Variants in SLC25A37 observed in about 807,000 individuals in gnomAD.
SLC25A37 encodes the protein mitoferrin-1.
In SLC25A37, 17 loss-of-function variants were observed where a neutral mutation model predicts 31.0. That is an observed-to-expected ratio of 0.55 (90% CI 0.38 to 0.82). The LOEUF (loss-of-function observed/expected upper bound fraction) is 0.82, where lower values mean the gene tolerates loss of function less well. Ranked by LOEUF, SLC25A37 falls within the 40% of genes least tolerant of loss-of-function variation. The pLI, the probability that SLC25A37 is intolerant of heterozygous loss-of-function variation, is 0.00. For missense variants in SLC25A37, 404 were observed against 465.8 expected, an observed-to-expected ratio of 0.87 and a Z score of 1.22; for synonymous variants, 222 against 193.0, an observed-to-expected ratio of 1.15 and a Z score of -1.24.
At chr8:23,568,169 A>T in intron 2 of SLC25A37, 153 bp from the exon 3 acceptor site, 7 of 774,870 alleles carry the variant, frequency 9.0e-6, no homozygotes, top group Non-Finnish European at 1.7e-5. Context: ...CCATCACTTC[A>T]GGGTTTTAAG....
At chr8:23,530,224 AC>A (rs1167392333) in intron 1 of SLC25A37, among the ~76,000 whole-genome samples, 3 of 152,172 alleles carry the variant, frequency 2.0e-5, no homozygotes, top group Non-Finnish European at 4.4e-5. Context: ...AGAGAGGCGA[AC>A]CGATTACCTT....
intron 3 of SLC25A37, among the ~76,000 whole-genome samples, chr8:23,570,363 A>G (rs1039098585): frequency 2.1e-5 from 3 of 140,786 alleles, no homozygotes; most frequent in Admixed American, 1.5e-4. Context: ...TGCGTTCAAG[A>G]CAGTGTTTTG....
At chr8:23,548,241 C>T (rs146417048) in intron 1 of SLC25A37, among the ~76,000 whole-genome samples, 57 of 152,250 alleles carry the variant, frequency 3.7e-4, no homozygotes, top group African/African-American at 1.3e-3. Flanking sequence ...TGCAGTGGCG[C>T]GATCTCGGTT....
rs951092582 is a variant in SLC25A37 at position 23,537,220 on chromosome 8, T to C, written c.210+8008T>C. On this transcript the variant is annotated intron_variant, in intron 1 of 3. Coordinates refer to ENST00000519973, the MANE Select transcript of SLC25A37 (RefSeq NM_016612.4). ...CAAAAAAAAAAAAAAAAAAATGAGA[T>C]TACTCTCCCCTGCCTCACATTTCCC... Among the ~76,000 whole-genome samples the C allele has an allele frequency of 8.2e-5, 12 of 147,052 alleles. No individual in the cohort carries two copies. In the East Asian group the frequency reaches 2.4e-3, roughly 30 times the overall value.
At position 23,573,357 on chromosome 8, in the gene SLC25A37, TGCTCTGC is replaced by T. The variant is rs1802911149; in HGVS notation, c.*1503_*1509del. ...CGTTTTCCCTAGCTGTGCCATTTGG[TGCTCTGC>T]CAGGCTGCCGTGCAAGGGAATACCG... On this transcript the variant is annotated 3_prime_UTR_variant, in exon 4 of 4. Coordinates refer to ENST00000519973, the MANE Select transcript of SLC25A37 (RefSeq NM_016612.4). The T allele has an allele frequency of 6.4e-6, 1 of 155,114 alleles. No homozygotes were observed. The highest frequency in any genetic ancestry group is 1.4e-5 in the Non-Finnish European group (1 of 69,702). 9.6% of individuals were successfully genotyped at this position (155,114 alleles called of 1,614,324 possible).
Position 23,571,979 on chromosome 8 carries a change from A to T in SLC25A37, c.*124A>T. 9.2e-7 allele frequency: 1 copy of T among 1,088,090 alleles called. No individual in the cohort carries two copies. Among genetic ancestry groups the T allele is most frequent in the Non-Finnish European group, 1.3e-6 (1 of 761,398 alleles). The allele number at this position is 1,088,090 out of a possible 1,614,324, so 67.4% of individuals were successfully genotyped here. On this transcript the variant is annotated 3_prime_UTR_variant, in exon 4 of 4. Transcript: ENST00000519973. The stretch of plus-strand genomic sequence containing the variant: ...CTGCCTATGGGCCCTCTGCTCCCCA[A>T]TGCCTTAGAGAGAGGAGGGGACGGC...
At chr8:23,541,901 G>T (rs1382646374) in intron 1 of SLC25A37, 1 of 152,246 alleles carries the variant, frequency 6.6e-6, no homozygotes, top group South Asian at 2.1e-4. Context: ...AACCCAGGGT[G>T]TGTCTTTAAC....
At chr8:23,559,354 C>A (rs1050735611) in intron 1 of SLC25A37, among the ~76,000 whole-genome samples, 1 of 150,924 alleles carries the variant, frequency 6.6e-6, no homozygotes, top group African/African-American at 2.4e-5. Context: ...TGTGTGTGTG[C>A]GTGTGTGTGC....
At chr8:23,565,427 G>T (rs547772730) in intron 1 of SLC25A37, among the ~76,000 whole-genome samples, 1 of 152,084 alleles carries the variant, frequency 6.6e-6, no homozygotes, top group South Asian at 2.1e-4. Flanking sequence ...TAAGAATGCT[G>T]CTGTGTCTGT....
chr8:23,532,351 A>G (rs952064800), intron 1 of SLC25A37, among the ~76,000 whole-genome samples: 1 of 152,168 alleles, frequency 6.6e-6, no homozygotes, highest in Non-Finnish European at 1.5e-5. Context: ...AATGGTGGCA[A>G]TGACTTACTC....
intron 3 of SLC25A37, among the ~76,000 whole-genome samples, chr8:23,570,612 A>G (rs1038257180): frequency 1.3e-5 from 2 of 152,322 alleles, no homozygotes; most frequent in East Asian, 1.9e-4. Context: ...TAAAGTAGAA[A>G]AAAGTGAGGC....
chr8:23,535,727 T>C (rs1021129940), intron 1 of SLC25A37, among the ~76,000 whole-genome samples: 4 of 152,140 alleles, frequency 2.6e-5, no homozygotes, highest in African/African-American at 9.7e-5. Flanking sequence ...TGGGAAGGCC[T>C]CACAATCATG....
In SLC25A37 at chr8:23,529,257, G is replaced by GCGCGCGCGCGCATTTGCAT; in HGVS notation, c.210+47_210+65dup. ...CGGGGACGCAACGAGCGGAGAAGGA[G>GCGCGCGCGCGCATTTGCAT]CGCGCGCGCGCATTTGCATCCCGCG... On this transcript the variant is annotated intron_variant, in intron 1 of 3. Coordinates refer to ENST00000519973, the MANE Select transcript of SLC25A37 (RefSeq NM_016612.4). The surrounding 1 kb of genome is among the most constrained non-coding windows in gnomAD (Gnocchi z 4.1). 2.6e-6 allele frequency: 4 copies of GCGCGCGCGCGCATTTGCAT among 1,512,132 alleles called. No individual in the cohort carries two copies. Among genetic ancestry groups the GCGCGCGCGCGCATTTGCAT allele is most frequent in the Non-Finnish European group, 2.7e-6 (3 of 1,117,506 alleles). 93.7% of individuals were successfully genotyped at this position (1,512,132 alleles called of 1,614,324 possible).
At chr8:23,564,136 T>TA (rs1802587883) in intron 1 of SLC25A37, among the ~76,000 whole-genome samples, 1 of 152,150 alleles carries the variant, frequency 6.6e-6, no homozygotes, top group Non-Finnish European at 1.5e-5. Context: ...CTTATATTGT[T>TA]ATTGTTTTTG....
chr8:23,568,494 C>T, intron 3 of SLC25A37, 116 bp downstream of exon 3: 1 of 1,109,092 alleles, frequency 9.0e-7, no homozygotes, highest in East Asian at 2.4e-5. Context: ...AGTCTCCAGT[C>T]AGAGCAGACA....
chr8:23,535,009 A>G (rs1801737464), intron 1 of SLC25A37, among the ~76,000 whole-genome samples: 1 of 151,914 alleles, frequency 6.6e-6, no homozygotes, highest in Non-Finnish European at 1.5e-5. Context: ...TCCATTCCTT[A>G]CACCTCTGAG....
intron 1 of SLC25A37, among the ~76,000 whole-genome samples, chr8:23,543,862 C>CT (rs949957937): frequency 4.6e-5 from 7 of 151,132 alleles, no homozygotes; most frequent in African/African-American, 1.2e-4. Flanking sequence ...TTTCACTGTA[C>CT]TTTTTTTTTG....
rs1437782509 is a variant in SLC25A37, at chr8:23,550,201, A to AC, written c.211-15906dup. On this transcript the variant is annotated intron_variant, in intron 1 of 3. Transcript: ENST00000519973. ...CGTTTCAAAAAAAAAAAAAAAAAAAACACAAAAAAACAAAAACCCGCTTTG... is the reference window on the plus strand; with the variant it reads ...CGTTTCAAAAAAAAAAAAAAAAAAAACCACAAAAAAACAAAAACCCGCTTTG... 2.3e-5 allele frequency among the ~76,000 whole-genome samples: 3 copies of AC among 127,898 alleles called. 1 individual carries two copies. Among genetic ancestry groups the AC allele is most frequent in the African/African-American group, 1.1e-4 (3 of 27,468 alleles). 83.9% of individuals were successfully genotyped at this position (127,898 alleles called of 152,430 possible). A position where few individuals can be genotyped will look rare whatever the true frequency, so the allele number is the denominator to read the frequency against.
At chr8:23,531,067 T>TAGACAAGTCTGTA (rs1258716682) in intron 1 of SLC25A37, among the ~76,000 whole-genome samples, 1 of 152,236 alleles carries the variant, frequency 6.6e-6, no homozygotes, top group Non-Finnish European at 1.5e-5. Context: ...CTGGTTTTCC[T>TAGACAAGTCTGTA]AGACAAGTCT....
Sources: allele counts gnomAD v4.1 joint callset (sites outside exome capture counted in the v4.1 genomes callset), GRCh38; gene constraint gnomAD v4.1.1; non-coding constraint Gnocchi (gnomAD v3.1); transcripts MANE v1.5; gene names NCBI Gene and HGNC (gene_info 2026-07-23, HGNC 2026-07-21).